The following IL1RAPL1 variants were observed in gnomAD, a reference collection of about 807,000 sequenced individuals.
IL1RAPL1 encodes the protein interleukin-1 receptor accessory protein-like 1.
In IL1RAPL1, 3 loss-of-function variants were observed where a neutral mutation model predicts 48.4. That is an observed-to-expected ratio of 0.06 (90% confidence interval 0.03 to 0.16). The LOEUF is 0.16. IL1RAPL1 is among the 10% of genes least tolerant of loss of function. IL1RAPL1 has a pLI of 1.00. For missense variants in IL1RAPL1, 349 were observed against 530.6 expected (o/e 0.66, Z 3.36); for synonymous variants, 185 against 187.7 (o/e 0.99, Z 0.12).
At chrX:28,641,861 A>C (rs1601843967) in intron 1 of IL1RAPL1, among the ~76,000 whole-genome samples, 1 of 111,065 alleles carries the variant, frequency 9.0e-6, no homozygotes, top group East Asian at 2.8e-4. Flanking sequence ...TGGCCGCGTA[A>C]ATGTCTTCTT....
intron 2 of IL1RAPL1, among the ~76,000 whole-genome samples, chrX:28,897,494 G>A (rs1369240014): frequency 1.1e-5 from 1 of 91,787 alleles, no homozygotes; most frequent in East Asian, 3.5e-4. Context: ...CGCCAAGATT[G>A]AAAGGAGAAA....
intron 5 of IL1RAPL1, among the ~76,000 whole-genome samples, chrX:29,502,705 G>T: frequency 9.0e-6 from 1 of 111,550 alleles, no homozygotes; most frequent in East Asian, 2.8e-4. Context: ...TGTTGAATTT[G>T]ATTTGCTAGT....
intron 2 of IL1RAPL1, among the ~76,000 whole-genome samples, chrX:28,929,951 A>G (rs1256224731): frequency 1.8e-5 from 2 of 112,275 alleles, no homozygotes; most frequent in African/African-American, 6.5e-5. Context: ...AAGCACTGGA[A>G]GTGTTTTCTT....
At chrX:28,995,036 A>T (rs1240832204) in intron 2 of IL1RAPL1, among the ~76,000 whole-genome samples, 1 of 111,173 alleles carries the variant, frequency 9.0e-6, no homozygotes, top group African/African-American at 3.3e-5. Flanking sequence ...TTTGATTGGG[A>T]ATTGACTACT....
At chrX:28,737,124 TCC>T (rs1935839756) in intron 1 of IL1RAPL1, among the ~76,000 whole-genome samples, 1 of 24,540 alleles carries the variant, frequency 4.1e-5, no homozygotes, top group East Asian at 2.3e-3. Flanking sequence ...TTTCCTTCCT[TCC>T]TTCCTTCCTT....
At chrX:29,901,590 TC>T (rs1389257386) in intron 6 of IL1RAPL1, among the ~76,000 whole-genome samples, 2 of 111,781 alleles carry the variant, frequency 1.8e-5, no homozygotes, top group East Asian at 5.6e-4. Flanking sequence ...ATTCCAATTT[TC>T]CCCCCATATT....
At chrX:29,480,032 C>T (rs187687786) in intron 5 of IL1RAPL1, among the ~76,000 whole-genome samples, 10 of 107,931 alleles carry the variant, frequency 9.3e-5, no homozygotes, top group African/African-American at 3.4e-4. Flanking sequence ...TTTGGGTAGA[C>T]ACTTTTACCC....
chrX:29,055,666 C>G, intron 2 of IL1RAPL1, among the ~76,000 whole-genome samples: 1 of 111,424 alleles, frequency 9.0e-6, no homozygotes, highest in African/African-American at 3.2e-5. Context: ...TTCTTTTTCT[C>G]AAAACAACTA....
chrX:28,593,276 A>AGGT (rs1215265487), intron 1 of IL1RAPL1, among the ~76,000 whole-genome samples: 1 of 111,748 alleles, frequency 8.9e-6, no homozygotes, highest in Non-Finnish European at 1.9e-5. Context: ...AGGGATGACT[A>AGGT]GGTGGCTTGA....
At chrX:29,255,568 A>G (rs1931743500) in intron 2 of IL1RAPL1, among the ~76,000 whole-genome samples, 1 of 111,012 alleles carries the variant, frequency 9.0e-6, no homozygotes, top group Non-Finnish European at 1.9e-5. Flanking sequence ...AGTCCTGAAC[A>G]TAGTACACAA....
chrX:29,463,022 G>A (rs1398085418), intron 5 of IL1RAPL1, among the ~76,000 whole-genome samples: 1 of 111,791 alleles, frequency 8.9e-6, no homozygotes, highest in Non-Finnish European at 1.9e-5. Context: ...AAGTGGATAT[G>A]CTTCATTTGG....
chrX:29,404,304 T>A (rs1934028773), intron 5 of IL1RAPL1, among the ~76,000 whole-genome samples: 2 of 112,377 alleles, frequency 1.8e-5, no homozygotes, highest in South Asian at 7.3e-4. Context: ...GTCATATAAT[T>A]GAAATCATAC....
intron 2 of IL1RAPL1, among the ~76,000 whole-genome samples, chrX:28,807,105 GTTAT>G (rs1450347962): frequency 6.3e-5 from 7 of 110,976 alleles, no homozygotes; most frequent in Non-Finnish European, 1.3e-4. Flanking sequence ...TTTTGTTGTT[GTTAT>G]TTTGTTTTGT....
intron 2 of IL1RAPL1, among the ~76,000 whole-genome samples, chrX:28,814,341 T>TG (rs1555926294): frequency 4.5e-5 from 4 of 89,749 alleles, no homozygotes; most frequent in South Asian, 6.1e-4. Context: ...ATTTTCAGGT[T>TG]TGTGTGTGTG....
intron 5 of IL1RAPL1, among the ~76,000 whole-genome samples, chrX:29,478,052 T>C (rs1055587289): frequency 9.0e-6 from 1 of 111,197 alleles, no homozygotes; most frequent in Non-Finnish European, 1.9e-5. Flanking sequence ...CAAGCAAAAA[T>C]AAAACAGAAA....
intron 2 of IL1RAPL1, among the ~76,000 whole-genome samples, chrX:29,171,764 G>T (rs1378784928): frequency 9.0e-6 from 1 of 110,992 alleles, no homozygotes; most frequent in African/African-American, 3.3e-5. Flanking sequence ...TTATCTGAGA[G>T]CAAAACTAAA....
intron 2 of IL1RAPL1, among the ~76,000 whole-genome samples, chrX:28,883,619 C>G (rs1459288577): frequency 8.9e-6 from 1 of 111,804 alleles, no homozygotes; most frequent in African/African-American, 3.2e-5. Flanking sequence ...TTCAAACCAA[C>G]TTACATTCTT....
intron 5 of IL1RAPL1, among the ~76,000 whole-genome samples, chrX:29,653,581 A>G (rs1925580101): frequency 1.8e-5 from 2 of 111,598 alleles, no homozygotes; most frequent in African/African-American, 6.5e-5. Flanking sequence ...GCTTATAGGC[A>G]TGTTTTTCTT....
chrX:28,975,524 G>A (rs758142879), intron 2 of IL1RAPL1, among the ~76,000 whole-genome samples: 3 of 111,895 alleles, frequency 2.7e-5, no homozygotes, highest in South Asian at 3.7e-4. Flanking sequence ...GGAATTTGCT[G>A]AAGGAAAATT....
Sources: allele counts gnomAD v4.1 joint callset (sites outside exome capture counted in the v4.1 genomes callset), GRCh38; gene constraint gnomAD v4.1.1; transcripts MANE v1.5; gene names NCBI Gene and HGNC (gene_info 2026-07-23, HGNC 2026-07-21).